The following LYRM4 variants were observed in gnomAD, a reference collection of about 807,000 sequenced individuals.
The protein encoded by LYRM4 is LYR motif containing 4, also known as LYR motif-containing protein 4.
LYRM4 carries 9 observed loss-of-function variants against 11.7 expected under a neutral mutation model. That is an observed-to-expected ratio of 0.77 (90% CI 0.46 to 1.34). The LOEUF is 1.34. Ranked by LOEUF, LYRM4 falls within the 40% of genes most tolerant of loss-of-function variation. The pLI, the probability that LYRM4 is intolerant of heterozygous loss-of-function variation, is 0.00. For synonymous variants in LYRM4, 42 were observed against 40.4 expected (o/e 1.04, Z -0.15); for missense variants, 133 against 112.5 (o/e 1.18, Z -0.82).
At chr6:5,123,250 C>T (rs73717664) in intron 2 of LYRM4, among the ~76,000 whole-genome samples, 17,308 of 152,218 alleles carry the variant, frequency 0.11, 1,154 homozygotes, top group South Asian at 0.31. Flanking sequence ...CAACCCCAGC[C>T]TCGGGAAGGC....
chr6:5,142,881 C>G (rs1757483116), intron 2 of LYRM4, among the ~76,000 whole-genome samples: 1 of 152,198 alleles, frequency 6.6e-6, no homozygotes, highest in African/African-American at 2.4e-5. Context: ...CGCAGCCATC[C>G]CCAGCCATGG....
At chr6:5,098,796 C>T (rs116223044), downstream of LYRM4, among the ~76,000 whole-genome samples, 557 of 152,308 alleles carry the variant, frequency 3.7e-3, 3 homozygotes, top group South Asian at 0.028. Flanking sequence ...TGTGTCTCTC[C>T]CTTGCTGAGG....
rs1188849846 is a variant in LYRM4 at position 5,216,652 on chromosome 6, T to G, written c.173A>C (p.Lys58Thr). 6.2e-7 allele frequency: 1 copy of G among 1,614,146 alleles called. No homozygotes were observed. The highest frequency in any genetic ancestry group is 8.5e-7 in the Non-Finnish European group (1 of 1,180,024). ...DPVEIQTLVN[K>T]AKRDLGVIRR... is the part of the protein sequence containing the mutation. Reference sequence around the variant, plus strand: ...AATTACTCCAAGGTCTCTCTTGGCTTTATTCACTAGGGTTTGAATTTCTAC... The same window carrying G: ...AATTACTCCAAGGTCTCTCTTGGCTGTATTCACTAGGGTTTGAATTTCTAC... The change falls in exon 2 of 3, where the codon AAA becomes ACA. Residue 58 changes from lysine to threonine, a missense_variant. By Grantham distance (78) the Lys-to-Thr change is moderately conservative. Coordinates refer to ENST00000330636, the MANE Select transcript of LYRM4 (RefSeq NM_020408.6).
rs1405123418 is a variant in LYRM4 at position 5,138,222 on chromosome 6, A to G, written c.208-28731T>C. ...TCAAAGGCCAGGTGTGGTAGTGCAC[A>G]CCTGTAATCCCAGCACTTTGGGAGG... On this transcript the variant is annotated intron_variant, in intron 2 of 2. Coordinates refer to ENST00000330636, the MANE Select transcript of LYRM4 (RefSeq NM_020408.6). Among the ~76,000 whole-genome samples, 4 of 151,960 alleles carry G rather than the reference A, an allele frequency of 2.6e-5. No homozygotes were observed. The East Asian group carries it at 7.7e-4, about 29-fold the overall frequency.
intron 1 of LYRM4, among the ~76,000 whole-genome samples, chr6:5,251,987 T>C (rs775901039): frequency 6.6e-6 from 1 of 152,188 alleles, no homozygotes; most frequent in Non-Finnish European, 1.5e-5. Flanking sequence ...ACACGAATCA[T>C]TATTTGGTTC....
intron 2 of LYRM4, among the ~76,000 whole-genome samples, chr6:5,207,422 G>A (rs934849664): frequency 6.6e-6 from 1 of 152,196 alleles, no homozygotes; most frequent in Non-Finnish European, 1.5e-5. Flanking sequence ...ACCACAGAGG[G>A]TGCAACACAG....
chr6:5,223,373 A>T (rs972766085), intron 1 of LYRM4, among the ~76,000 whole-genome samples: 1 of 152,186 alleles, frequency 6.6e-6, no homozygotes, highest in African/African-American at 2.4e-5. Flanking sequence ...ACAAACTACA[A>T]CTCAGAGAGA....
intron 1 of LYRM4, among the ~76,000 whole-genome samples, chr6:5,258,863 T>C (rs1764802935): frequency 6.6e-6 from 1 of 152,236 alleles, no homozygotes; most frequent in Non-Finnish European, 1.5e-5. Flanking sequence ...GGTAGAGTCT[T>C]GAATGATTTT....
intron 2 of LYRM4, among the ~76,000 whole-genome samples, chr6:5,158,823 A>G (rs1413497653): frequency 1.3e-5 from 2 of 152,176 alleles, no homozygotes; most frequent in Non-Finnish European, 2.9e-5. Flanking sequence ...CTAGAGTGGC[A>G]GCCATTGCCT....
intron 1 of LYRM4, 52 bp downstream of exon 1, chr6:5,260,596 G>T: frequency 8.3e-7 from 1 of 1,204,086 alleles, no homozygotes. Flanking sequence ...CCGCACCCCC[G>T]GTCCCCGGCC....
chr6:5,107,831 C>T (rs1762708514), downstream of LYRM4: 1 of 152,020 alleles, frequency 6.6e-6, no homozygotes, highest in South Asian at 2.1e-4. Flanking sequence ...ATAGTGAAAC[C>T]CCGTCTCTAT....
the LYRM4 span, among the ~76,000 whole-genome samples, chr6:5,061,666 C>T: frequency 6.6e-6 from 1 of 152,108 alleles, no homozygotes; most frequent in African/African-American, 2.4e-5. Flanking sequence ...AACACAAAAC[C>T]GATCCATGAC....
Position 5,154,283 on chromosome 6 carries a change from A to G in LYRM4, c.208-44792T>C, listed in dbSNP as rs186359904. On this transcript the variant is annotated intron_variant, in intron 2 of 2. Transcript: ENST00000330636. ...CATAAAAATGTAATGCAGTAGAATG[A>G]AACAGTAGAAGGAACTCCATATAAC... 7.1e-4 allele frequency among the ~76,000 whole-genome samples: 108 copies of G among 152,340 alleles called. 1 individual carries two copies. The highest frequency in any genetic ancestry group is 2.4e-3 in the African/African-American group (101 of 41,576).
rs1490631452 is a variant in LYRM4 at position 5,245,137 on chromosome 6, T to A, written c.86+15511A>T. On this transcript the variant is annotated intron_variant, in intron 1 of 2. Coordinates refer to ENST00000330636, the MANE Select transcript of LYRM4 (RefSeq NM_020408.6). ...AAATATATATATATATATATATATA[T>A]ATATATATATATATATATATATATA... is the stretch of plus-strand genomic sequence containing the variant. 5.7e-4 allele frequency among the ~76,000 whole-genome samples: 46 copies of A among 81,244 alleles called. 4 individuals carry two copies. The highest frequency in any genetic ancestry group is 1.5e-3 in the South Asian group (3 of 1,940). 53.3% of individuals were successfully genotyped at this position (81,244 alleles called of 152,430 possible).
At chr6:5,164,310 C>T (rs2127658337) in intron 2 of LYRM4, among the ~76,000 whole-genome samples, 1 of 152,216 alleles carries the variant, frequency 6.6e-6, no homozygotes, top group African/African-American at 2.4e-5. Context: ...AACTGGAAAC[C>T]CCCCAAATGC....
At chr6:5,144,300 G>C (rs944383074) in intron 2 of LYRM4, 25 of 1,536,076 alleles carry the variant, frequency 1.6e-5, no homozygotes, top group African/African-American at 2.7e-5. Context: ...GTGAGGGCTA[G>C]CCTCAGTTTG....
the LYRM4 span, among the ~76,000 whole-genome samples, chr6:5,065,174 A>G: frequency 1.3e-5 from 2 of 152,098 alleles, no homozygotes; most frequent in Admixed American, 1.3e-4. Flanking sequence ...AGTGTTCTCC[A>G]TGTCTTTTTG....
At chr6:5,199,610 C>G (rs1261884160) in intron 2 of LYRM4, among the ~76,000 whole-genome samples, 2 of 152,222 alleles carry the variant, frequency 1.3e-5, no homozygotes, top group Admixed American at 1.3e-4. Context: ...CAGACTGAAA[C>G]TGTCACAGAG....
chr6:5,188,894 G>T (rs1218549874), intron 2 of LYRM4, among the ~76,000 whole-genome samples: 4 of 152,180 alleles, frequency 2.6e-5, no homozygotes. Context: ...CTCGCAAGTA[G>T]CTGGGACTAC....
Sources: allele counts gnomAD v4.1 joint callset (sites outside exome capture counted in the v4.1 genomes callset), GRCh38; gene constraint gnomAD v4.1.1; transcripts MANE v1.5; gene names NCBI Gene and HGNC (gene_info 2026-07-23, HGNC 2026-07-21).